Variants in WAC observed in about 807,000 individuals in gnomAD.
WAC encodes the protein WW domain containing adaptor with coiled-coil.
In WAC, 11 loss-of-function variants were observed where a neutral mutation model predicts 79.6. The observed-to-expected ratio is 0.14, with a 90% CI of 0.09 to 0.23. The LOEUF (loss-of-function observed/expected upper bound fraction) is 0.23. WAC is among the 10% of genes least tolerant of loss of function. The pLI, the probability that WAC is intolerant of heterozygous loss-of-function variation, is 1.00. For synonymous variants in WAC, 304 were observed against 276.9 expected, an observed-to-expected ratio of 1.10 and a Z score of -0.97; for missense variants, 728 against 773.5, an observed-to-expected ratio of 0.94 and a Z score of 0.70.
At position 28,535,543 on chromosome 10, in the gene WAC, G is replaced by C. The variant is rs773603570; in HGVS notation, c.79-19G>C. ...TTTCAATTCTTTCTCTCTTTTTTTG[G>C]GGGGGTGATGTTTTACAGGCACTTA... On this transcript the variant is annotated intron_variant, in intron 2 of 13. Coordinates refer to ENST00000354911, the MANE Select transcript of WAC (RefSeq NM_016628.5). The C allele has an allele frequency of 5.9e-6, 9 of 1,522,526 alleles. No individual in the cohort carries two copies. The highest frequency in any genetic ancestry group is 1.3e-5 in the South Asian group (1 of 79,142). The allele number at this position is 1,522,526 out of a possible 1,614,324, so 94.3% of individuals were successfully genotyped here. A position where few individuals can be genotyped will look rare whatever the true frequency, so the allele number is the denominator to read the frequency against.
chr10:28,613,076 G>C (rs1030380496), intron 10 of WAC, among the ~76,000 whole-genome samples: 2 of 152,078 alleles, frequency 1.3e-5, no homozygotes, highest in Non-Finnish European at 2.9e-5. Context: ...TAGGCCCTGG[G>C]CAATATAGCA....
At chr10:28,535,526 CT>C (rs764686575) in intron 2 of WAC, 35 bp from the exon 3 acceptor site, 24 of 1,521,270 alleles carry the variant, frequency 1.6e-5, no homozygotes, top group Non-Finnish European at 1.2e-5. Flanking sequence ...GGTTTCAATT[CT>C]TTCTCTCTTT....
intron 3 of WAC, among the ~76,000 whole-genome samples, chr10:28,581,158 A>G (rs934985347): frequency 4.0e-5 from 6 of 150,682 alleles, no homozygotes; most frequent in Non-Finnish European, 8.8e-5. Flanking sequence ...ATGTACCAAA[A>G]TTTCAGACTC....
At chr10:28,585,786 T>C (rs1839791356) in intron 4 of WAC, among the ~76,000 whole-genome samples, 1 of 152,146 alleles carries the variant, frequency 6.6e-6, no homozygotes, top group South Asian at 2.1e-4. Context: ...TGTTTTTTTT[T>C]TATTTTGTAA....
intron 5 of WAC, 93 bp from the exon 6 acceptor site, chr10:28,590,627 A>G: frequency 1.0e-6 from 1 of 1,001,604 alleles, no homozygotes; most frequent in South Asian, 1.6e-5. Context: ...TTTTCTGTAT[A>G]CCATTTGTTA....
Position 28,619,624 on chromosome 10 carries a change from C to T in WAC, c.*18C>T. 1 of 1,560,162 alleles carries T rather than the reference C, an allele frequency of 6.4e-7. No individual in the cohort carries two copies. Among genetic ancestry groups the T allele is most frequent in the Non-Finnish European group, 8.6e-7 (1 of 1,162,572 alleles). On this transcript the variant is annotated 3_prime_UTR_variant, in exon 14 of 14. Transcript: ENST00000354911. ...TGGTGTGAAGATGTGAATAATTGCA[C>T]ATGGTTTTGAGAACAGGAACTGTAA...
intron 3 of WAC, among the ~76,000 whole-genome samples, chr10:28,569,721 A>G (rs1454228301): frequency 1.3e-5 from 2 of 152,132 alleles, no homozygotes; most frequent in South Asian, 2.1e-4. Flanking sequence ...GAGTGAAGAG[A>G]TATGTCTAGA....
chr10:28,555,361 G>A (rs534270425), intron 3 of WAC, among the ~76,000 whole-genome samples: 50 of 152,184 alleles, frequency 3.3e-4, no homozygotes, highest in Non-Finnish European at 5.0e-4. Flanking sequence ...AGTTCCTTGA[G>A]CATTCCAGGC....
intron 3 of WAC, among the ~76,000 whole-genome samples, chr10:28,540,236 A>G (rs958893038): frequency 6.6e-6 from 1 of 152,208 alleles, no homozygotes; most frequent in East Asian, 1.9e-4. Flanking sequence ...CAGTTTTACA[A>G]ATGAGGGAAA....
chr10:28,589,937 A>T (rs1840002927), intron 5 of WAC, 86 bp downstream of exon 5: 2 of 1,040,712 alleles, frequency 1.9e-6, no homozygotes, highest in Admixed American at 4.2e-5. Context: ...ATTCTAATTT[A>T]GCTTTTTTAT....
At chr10:28,601,376 C>T in intron 7 of WAC, among the ~76,000 whole-genome samples, 1 of 151,928 alleles carries the variant, frequency 6.6e-6, no homozygotes, top group Non-Finnish European at 1.5e-5. Flanking sequence ...CACTTAATAC[C>T]CATTAGGATG....
intron 7 of WAC, among the ~76,000 whole-genome samples, chr10:28,600,823 A>G (rs1054804202): frequency 2.0e-5 from 3 of 152,272 alleles, no homozygotes; most frequent in Admixed American, 6.5e-5. Context: ...AACAGGATAC[A>G]TTAAAGATAC....
intron 6 of WAC, among the ~76,000 whole-genome samples, chr10:28,593,872 G>C (rs1440304401): frequency 6.6e-6 from 1 of 151,916 alleles, no homozygotes; most frequent in African/African-American, 2.4e-5. Flanking sequence ...TATGTTGATG[G>C]CTCTATGTTT....
chr10:28,535,382 C>A, intron 2 of WAC, 180 bp from the exon 3 acceptor site: 12 of 502,926 alleles, frequency 2.4e-5, no homozygotes, highest in Non-Finnish European at 2.8e-5. Context: ...CTTATTGTAA[C>A]GCTTAAGCAT....
Position 28,595,946 on chromosome 10 carries a change from A to C in WAC, c.824A>C (p.Gln275Pro). 6.2e-7 allele frequency: 1 copy of C among 1,614,154 alleles called. No homozygotes were observed. Among genetic ancestry groups the C allele is most frequent in the East Asian group, 2.2e-5 (1 of 44,880 alleles). ...SSPFTLQSDH[Q>P]PKKSFDANGA... ...CCATTTACGCTACAGTCTGATCACC[A>C]GCCAAAGAAATCATTTGATGCTAAT... The change falls in exon 7 of 14, where the codon CAG becomes CCG. Residue 275 changes from glutamine to proline, a missense_variant. Around this residue, in one of 3 missense-constraint regions of WAC, gnomAD observed 648 missense variants for 661.5 expected, o/e 0.98. Coordinates refer to ENST00000354911, the MANE Select transcript of WAC (RefSeq NM_016628.5).
At chr10:28,533,905 G>T in intron 1 of WAC, 93 bp from the exon 2 acceptor site, 2 of 1,488,386 alleles carry the variant, frequency 1.3e-6, no homozygotes, top group Non-Finnish European at 1.8e-6. Flanking sequence ...TAGGTCTCCC[G>T]CGGGGAGGGG....
rs1444071256 is a variant in WAC at position 28,535,550 on chromosome 10, G to T, written c.79-12G>T. ...TCTTTCTCTCTTTTTTTGGGGGGGTGATGTTTTACAGGCACTTAAGTATTC... is the reference window on the plus strand; with the variant it reads ...TCTTTCTCTCTTTTTTTGGGGGGGTTATGTTTTACAGGCACTTAAGTATTC... On this transcript the variant is annotated splice_polypyrimidine_tract_variant and intron_variant, in intron 2 of 13. Transcript: ENST00000354911. 2 of 1,538,440 alleles carry T rather than the reference G, an allele frequency of 1.3e-6. No individual in the cohort carries two copies. The highest frequency in any genetic ancestry group is 2.4e-5 in the East Asian group (1 of 42,032).
intron 9 of WAC, 78 bp from the exon 10 acceptor site, chr10:28,611,696 C>A: frequency 6.6e-7 from 1 of 1,526,000 alleles, no homozygotes; most frequent in Non-Finnish European, 8.9e-7. Flanking sequence ...AATATCTTTG[C>A]CACATATATT....
intron 7 of WAC, among the ~76,000 whole-genome samples, chr10:28,604,207 T>C (rs905784995): frequency 2.6e-5 from 4 of 151,270 alleles, no homozygotes; most frequent in Non-Finnish European, 4.4e-5. Context: ...TCGATGGAAG[T>C]GTAAGGCCTA....
Sources: allele counts gnomAD v4.1 joint callset (sites outside exome capture counted in the v4.1 genomes callset), GRCh38; gene constraint gnomAD v4.1.1; regional missense constraint gnomAD v4.1.1; transcripts MANE v1.5; gene names NCBI Gene and HGNC (gene_info 2026-07-23, HGNC 2026-07-21).